TRERF1: variants seen among roughly 807,000 people sequenced by gnomAD.
TRERF1 encodes transcriptional-regulating factor 1.
Under a neutral mutation model 122.9 loss-of-function variants are expected in TRERF1, and 27 were observed. The ratio of observed to expected loss-of-function variants is 0.22; its 90% confidence interval spans 0.16 to 0.30. The LOEUF is 0.30. Ranked by LOEUF, TRERF1 falls within the 10% of genes least tolerant of loss-of-function variation. The pLI, the probability that TRERF1 is intolerant of heterozygous loss-of-function variation, is 1.00. For synonymous variants in TRERF1, 636 were observed against 641.7 expected, an observed-to-expected ratio of 0.99 and a Z score of 0.13; for missense variants, 1,248 against 1,560.3, an observed-to-expected ratio of 0.80 and a Z score of 3.37.
intron 3 of TRERF1, among the ~76,000 whole-genome samples, chr6:42,344,667 C>T (rs926471042): frequency 6.6e-6 from 1 of 152,152 alleles, no homozygotes; most frequent in African/African-American, 2.4e-5. Flanking sequence ...CCAGCCCCAA[C>T]TGCAGATCAA....
At chr6:42,404,549 C>A (rs1779899999) in intron 2 of TRERF1, among the ~76,000 whole-genome samples, 1 of 152,118 alleles carries the variant, frequency 6.6e-6, no homozygotes, top group African/African-American at 2.4e-5. Context: ...AGAAGCACGG[C>A]TTTCAGAAAA....
chr6:42,392,537 AATTCTGTGTGTGTAAGACCTATC>A (rs1777917173), intron 2 of TRERF1, among the ~76,000 whole-genome samples: 1 of 152,128 alleles, frequency 6.6e-6, no homozygotes, highest in African/African-American at 2.4e-5. Flanking sequence ...AACTAACTGA[AATTCTGTGTGTGTAAGACCTATC>A]CAGAAAGGAT....
At chr6:42,368,773 T>C (rs1008129098) in intron 2 of TRERF1, among the ~76,000 whole-genome samples, 14 of 152,152 alleles carry the variant, frequency 9.2e-5, no homozygotes, top group Non-Finnish European at 1.9e-4. Flanking sequence ...TGATTCTAAT[T>C]TATTGATTGC....
intron 3 of TRERF1, among the ~76,000 whole-genome samples, chr6:42,316,150 T>C (rs1762457127): frequency 6.6e-6 from 1 of 152,124 alleles, no homozygotes; most frequent in African/African-American, 2.4e-5. Context: ...GTCAAGAAAG[T>C]CCATGGGTCT....
chr6:42,317,213 T>C (rs1762641446), intron 3 of TRERF1, among the ~76,000 whole-genome samples: 1 of 152,046 alleles, frequency 6.6e-6, no homozygotes, highest in African/African-American at 2.4e-5. Flanking sequence ...TCTTTCTGCT[T>C]GGCTGGCTCT....
chr6:42,329,605 C>T (rs959060435), intron 3 of TRERF1, among the ~76,000 whole-genome samples: 4 of 152,086 alleles, frequency 2.6e-5, no homozygotes, highest in African/African-American at 9.7e-5. Flanking sequence ...CCCTCAGGTC[C>T]AGCGAATATA....
intron 4 of TRERF1, among the ~76,000 whole-genome samples, chr6:42,281,419 C>T (rs1782281802): frequency 6.6e-6 from 1 of 152,118 alleles, no homozygotes; most frequent in Non-Finnish European, 1.5e-5. Context: ...ACTAGATATC[C>T]AGTTCCATAG....
intron 15 of TRERF1, among the ~76,000 whole-genome samples, chr6:42,240,950 T>C (rs1773554823): frequency 6.6e-6 from 1 of 152,144 alleles, no homozygotes; most frequent in South Asian, 2.1e-4. Flanking sequence ...TGGAGTACGG[T>C]GGCGCAATCT....
intron 4 of TRERF1, among the ~76,000 whole-genome samples, chr6:42,282,926 T>C (rs1782547897): frequency 6.6e-6 from 1 of 152,214 alleles, no homozygotes; most frequent in Admixed American, 6.5e-5. Flanking sequence ...GCTTAAAGGA[T>C]ATCTTATTTA....
intron 2 of TRERF1, among the ~76,000 whole-genome samples, chr6:42,418,490 C>T (rs1302820280): frequency 2.0e-5 from 3 of 151,834 alleles, no homozygotes; most frequent in Non-Finnish European, 4.4e-5. Context: ...AGGCTGGTCT[C>T]GAACTCCTGA....
intron 6 of TRERF1, among the ~76,000 whole-genome samples, chr6:42,265,079 C>T (rs1778913020): frequency 6.6e-6 from 1 of 152,172 alleles, no homozygotes; most frequent in South Asian, 2.1e-4. Context: ...CAAAGTCATG[C>T]AAGAATTGAA....
intron 8 of TRERF1, among the ~76,000 whole-genome samples, chr6:42,262,601 C>CACAGAGAGAGAGAGAGAG (rs1778365930): frequency 5.1e-5 from 3 of 59,126 alleles, no homozygotes; most frequent in African/African-American, 1.6e-4. Flanking sequence ...GAGAGAGAGA[C>CACAGAGAGAGAGAGAGAG]AGACAGACGG....
At chr6:42,352,391 A>G (rs1284144739) in intron 3 of TRERF1, among the ~76,000 whole-genome samples, 2 of 152,222 alleles carry the variant, frequency 1.3e-5, no homozygotes, top group Admixed American at 1.3e-4. Context: ...ATTTTATCTG[A>G]TGCACTGTAT....
chr6:42,447,619 C>A (rs550228724), intron 2 of TRERF1, among the ~76,000 whole-genome samples: 1 of 152,194 alleles, frequency 6.6e-6, no homozygotes, highest in African/African-American at 2.4e-5. Context: ...TGAATTCAAC[C>A]GCCTTTAGAG....
intron 2 of TRERF1, among the ~76,000 whole-genome samples, chr6:42,391,123 C>T (rs1777663405): frequency 2.0e-5 from 3 of 152,230 alleles, no homozygotes; most frequent in Admixed American, 2.0e-4. Flanking sequence ...AATTTACTCA[C>T]AGGAGACCAG....
At chr6:42,331,674 A>C (rs1264028771) in intron 3 of TRERF1, among the ~76,000 whole-genome samples, 2 of 152,148 alleles carry the variant, frequency 1.3e-5, no homozygotes, top group African/African-American at 4.8e-5. Context: ...ATCAGACACT[A>C]ATTAGCCAGG....
intron 4 of TRERF1, among the ~76,000 whole-genome samples, chr6:42,283,069 C>G (rs1404006608): frequency 6.6e-6 from 1 of 152,132 alleles, no homozygotes; most frequent in Non-Finnish European, 1.5e-5. Flanking sequence ...GTGCTGAGAA[C>G]AGTAGGCAAC....
At chr6:42,294,306 G>A (rs1200257143) in intron 4 of TRERF1, among the ~76,000 whole-genome samples, 8 of 150,872 alleles carry the variant, frequency 5.3e-5, no homozygotes, top group African/African-American at 9.8e-5. Context: ...AGCTTCCTGA[G>A]TAGCTGGGAT....
At chr6:42,356,777 T>C (rs181997173) in intron 3 of TRERF1, among the ~76,000 whole-genome samples, 5 of 152,144 alleles carry the variant, frequency 3.3e-5, no homozygotes, top group African/African-American at 1.2e-4. Context: ...TTTTGCCATG[T>C]TGGCCAGGCT....
Sources: gnomAD v4.1 joint callset for allele counts (sites outside exome capture counted in the v4.1 genomes callset) on GRCh38, gnomAD v4.1.1 for gene constraint, MANE v1.5 for transcripts, NCBI Gene and HGNC (gene_info 2026-07-23, HGNC 2026-07-21) for gene names.